The following ANKRD11 variants were observed in gnomAD, a reference collection of about 807,000 sequenced individuals.
The protein encoded by ANKRD11 is ankyrin repeat domain-containing protein 11.
ANKRD11 carries 17 observed loss-of-function variants against 195.7 expected under a neutral mutation model. That is an observed-to-expected ratio of 0.09 (90% CI 0.06 to 0.13). The LOEUF (loss-of-function observed/expected upper bound fraction) is 0.13. ANKRD11 is among the 10% of genes least tolerant of loss of function. The probability of loss-of-function intolerance (pLI) is 1.00; values close to 1 mark genes in which losing one functional copy is unlikely to be tolerated. For missense variants in ANKRD11, 3,735 were observed against 3,566.1 expected, an observed-to-expected ratio of 1.05 and a Z score of -1.21; for synonymous variants, 1,953 against 1,528.1, an observed-to-expected ratio of 1.28 and a Z score of -6.49.
rs944757234 is a variant in ANKRD11, at chr16:89,283,143, G to A, written c.3399C>T (p.Ser1133=). The A allele has an allele frequency of 8.7e-6, 14 of 1,613,784 alleles. No homozygotes were observed. The South Asian group carries it at 8.8e-5, about 10-fold the overall frequency. The change falls in exon 9 of 13, where the codon AGC becomes AGT. Residue 1133 remains serine (S), a synonymous_variant. Transcript: ENST00000301030. This position sits in a 1 kb window ranked among gnomAD's most constrained non-coding sequence, Gnocchi z 4.3. ...SEDDRDSCMG[S]GFKMGEASDL... ...CGCTGGCCTCTCCCATCTTGAACCCGCTCCCCATGCAGCTGTCTCTGTCGT... is the reference window on the plus strand; with the variant it reads ...CGCTGGCCTCTCCCATCTTGAACCCACTCCCCATGCAGCTGTCTCTGTCGT...
chr16:89,281,564 T>C lies in ANKRD11; in HGVS notation c.4978A>G (p.Ile1660Val), dbSNP rs750932626. The change falls in exon 9 of 13, where the codon ATT becomes GTT. Residue 1660 changes from isoleucine to valine, a missense_variant. Transcript: ENST00000301030. The surrounding 1 kb of genome is among the most constrained non-coding windows in gnomAD (Gnocchi z 5.5). The stretch of plus-strand genomic sequence containing the variant: ...AGCTTATTTTCCGCGGCAGGTGGAA[T>C]AGGAGTCGACTCTTTGAGCTTTTTG... ...KDKKLKESTPIPPAAENKLHP... is the reference protein window; with the variant it reads ...KDKKLKESTPVPPAAENKLHP... The C allele has an allele frequency of 2.2e-5, 35 of 1,614,194 alleles. No individual in the cohort carries two copies. Among genetic ancestry groups the C allele is most frequent in the African/African-American group, 5.3e-5 (4 of 75,054 alleles).
intron 4 of ANKRD11, chr16:89,300,742 G>A (rs2035800641): frequency 1.5e-5 from 9 of 583,706 alleles, no homozygotes; most frequent in Non-Finnish European, 2.8e-5. Flanking sequence ...AGCACCTAAC[G>A]CTGAAGGAAC....
intron 2 of ANKRD11, among the ~76,000 whole-genome samples, chr16:89,365,018 G>A (rs1337959572): frequency 6.6e-6 from 1 of 152,200 alleles, no homozygotes; most frequent in East Asian, 1.9e-4. Context: ...GCTTTCTGGA[G>A]GATGCTATGA....
intron 1 of ANKRD11, among the ~76,000 whole-genome samples, chr16:89,431,006 G>C (rs574879719): frequency 6.6e-6 from 1 of 151,908 alleles, no homozygotes; most frequent in Non-Finnish European, 1.5e-5. Flanking sequence ...TATCCATCCC[G>C]GCCTCTTCCT....
intron 2 of ANKRD11, among the ~76,000 whole-genome samples, chr16:89,364,835 G>C (rs915057247): frequency 6.6e-6 from 1 of 152,134 alleles, no homozygotes; most frequent in Non-Finnish European, 1.5e-5. Context: ...TCAGCACCAC[G>C]GCCAACCTGA....
chr16:89,381,083 G>A (rs897732350), intron 2 of ANKRD11, among the ~76,000 whole-genome samples: 4 of 152,208 alleles, frequency 2.6e-5, no homozygotes, highest in African/African-American at 9.7e-5. Flanking sequence ...AGCACTTTGG[G>A]AGGCCGAGGC....
At chr16:89,391,438 A>T (rs1295775593) in intron 2 of ANKRD11, among the ~76,000 whole-genome samples, 1 of 152,054 alleles carries the variant, frequency 6.6e-6, no homozygotes, top group African/African-American at 2.4e-5. Flanking sequence ...ATTGTGGGAC[A>T]CCCAGCTGGT....
At chr16:89,354,014 G>C (rs1187167655) in intron 2 of ANKRD11, among the ~76,000 whole-genome samples, 1 of 152,138 alleles carries the variant, frequency 6.6e-6, no homozygotes, top group African/African-American at 2.4e-5. Context: ...CCCCAAGTCT[G>C]TAAATAATTG....
At chr16:89,384,532 A>AC (rs1567728892) in intron 2 of ANKRD11, among the ~76,000 whole-genome samples, 2 of 125,268 alleles carry the variant, frequency 1.6e-5, no homozygotes, top group Non-Finnish European at 3.5e-5. Flanking sequence ...ACAGGATGGG[A>AC]TGGGACTGGG....
At position 89,282,969 on chromosome 16, in the gene ANKRD11, G is replaced by C. The variant is rs62000377; in HGVS notation, c.3573C>G (p.Ala1191=). ...TCTCTTTTTTGTCTCTCCCCGCGTC[G>C]GCAGCCCCTCGGTCCTTTCTCCTGT... is the stretch of plus-strand genomic sequence containing the variant. ...PRDRRKDRGA[A]DAGRDKKEKV... is the part of the protein sequence containing the mutation. Residue 1191 remains alanine, a synonymous_variant, in exon 9 of 13, where the codon GCC becomes GCG. Coordinates refer to ENST00000301030, the MANE Select transcript of ANKRD11 (RefSeq NM_013275.6). The C allele has an allele frequency of 0.039, 62,982 of 1,612,760 alleles. 1,587 individuals are homozygous for C. Among genetic ancestry groups the C allele is most frequent in the East Asian group, 0.063 (2,818 of 44,808 alleles).
chr16:89,303,596 G>C (rs1332327372), intron 4 of ANKRD11, among the ~76,000 whole-genome samples: 1 of 152,190 alleles, frequency 6.6e-6, no homozygotes, highest in Non-Finnish European at 1.5e-5. Flanking sequence ...CCCAGAGACA[G>C]GAGCCATGTG....
rs190268480 is a variant in ANKRD11, at chr16:89,443,856, T to A, written c.-144-25488A>T. Among the ~76,000 whole-genome samples, 88 of 152,294 alleles carry A rather than the reference T, an allele frequency of 5.8e-4. No homozygotes were observed. In the East Asian group the frequency reaches 0.012, roughly 21 times the overall value. ...GCCCGTGAGTGCAGAGCAAGCCTGC[T>A]GGGAGGGCAGGGGCTTGTCTTGGAG... On this transcript the variant is annotated intron_variant, in intron 1 of 12. Transcript: ENST00000301030.
intron 11 of ANKRD11, chr16:89,272,894 T>A (rs1006822335): frequency 2.6e-5 from 4 of 152,076 alleles, no homozygotes; most frequent in African/African-American, 9.7e-5. Flanking sequence ...GAAATAAGCA[T>A]ACAAAGACAA....
intron 4 of ANKRD11, among the ~76,000 whole-genome samples, chr16:89,302,086 A>G (rs1000122755): frequency 6.6e-6 from 1 of 152,088 alleles, no homozygotes; most frequent in South Asian, 2.1e-4. Flanking sequence ...CCCTGCACCA[A>G]TGTTTCTCTT....
At chr16:89,419,247 T>A (rs1423562849) in intron 1 of ANKRD11, among the ~76,000 whole-genome samples, 2 of 151,240 alleles carry the variant, frequency 1.3e-5, no homozygotes. Context: ...AGGTCATGAG[T>A]TCAAGACCAG....
At chr16:89,296,912 A>G (rs2035474774) in intron 4 of ANKRD11, among the ~76,000 whole-genome samples, 1 of 152,186 alleles carries the variant, frequency 6.6e-6, no homozygotes, top group Admixed American at 6.5e-5. Flanking sequence ...GTGACCTCTC[A>G]AAGCCCCTCA....
In ANKRD11 at chr16:89,279,057, G is replaced by A. The variant is rs1460678508; in HGVS notation, c.7470+15C>T. 4.3e-6 allele frequency: 7 copies of A among 1,613,326 alleles called. No homozygotes were observed. The highest frequency in any genetic ancestry group is 3.3e-5 in the Admixed American group (2 of 59,948). On this transcript the variant is annotated intron_variant, in intron 9 of 12. Transcript: ENST00000301030. The surrounding 1 kb of genome is among the most constrained non-coding windows in gnomAD (Gnocchi z 5.6). ...AGAGAGAGAAGGCAGTGGCTCTCCC[G>A]GGCCCCGCACTCACCACGGGGATGT...
intron 2 of ANKRD11, among the ~76,000 whole-genome samples, chr16:89,370,001 G>GC (rs2040123768): frequency 6.6e-6 from 1 of 152,168 alleles, no homozygotes; most frequent in African/African-American, 2.4e-5. Context: ...TGGGGGCCTG[G>GC]CCCCTTCAGG....
intron 2 of ANKRD11, among the ~76,000 whole-genome samples, chr16:89,395,460 G>A (rs552743251): frequency 7.5e-4 from 115 of 152,352 alleles, no homozygotes; most frequent in Admixed American, 1.4e-3. Flanking sequence ...CCACGGCTGG[G>A]ACACGTGCTG....
Sources: gnomAD v4.1 joint callset for allele counts (sites outside exome capture counted in the v4.1 genomes callset) on GRCh38, gnomAD v4.1.1 for gene constraint, Gnocchi (gnomAD v3.1) non-coding constraint, MANE v1.5 for transcripts, NCBI Gene and HGNC (gene_info 2026-07-23, HGNC 2026-07-21) for gene names.